Variants in IQSEC1 observed in about 807,000 individuals in gnomAD.
IQSEC1 encodes IQ motif and Sec7 domain ArfGEF 1, also known as IQ motif and SEC7 domain-containing protein 1.
IQSEC1 carries 31 observed loss-of-function variants against 91.0 expected under a neutral mutation model. That is an observed-to-expected ratio of 0.34 (90% CI 0.26 to 0.46). IQSEC1 has a LOEUF of 0.46. Among genes scored for constraint, IQSEC1 ranks in the 20% least tolerant of loss-of-function variants. The pLI, the probability that IQSEC1 is intolerant of heterozygous loss-of-function variation, is 1.00. For missense variants in IQSEC1, 1,388 were observed against 1,575.6 expected (o/e 0.88, Z 2.02); for synonymous variants, 699 against 662.6 (o/e 1.05, Z -0.84).
rs184651986 is a variant in IQSEC1, at chr3:13,228,637, G to A, written c.272+54074C>T. 3.2e-3 allele frequency among the ~76,000 whole-genome samples: 482 copies of A among 152,286 alleles called. 1 individual carries two copies. Among genetic ancestry groups the A allele is most frequent in the African/African-American group, 0.011 (457 of 41,546 alleles). On this transcript the variant is annotated intron_variant, in intron 1 of 15. Transcript: ENST00000648114. The stretch of plus-strand genomic sequence containing the variant: ...TTAAAGCCTTACCAAAACCTTTGCA[G>A]GGCCTGCAAGGAGTGGCAGGATCTG...
At position 12,935,945 on chromosome 3, in the gene IQSEC1, C is replaced by G. The variant is rs765519418; in HGVS notation, c.1071G>C (p.Arg357=). The change falls in exon 3 of 14, where the codon CGG becomes CGC. Residue 357 remains arginine (R), a synonymous_variant. Coordinates refer to ENST00000613206, the MANE Select transcript of IQSEC1 (RefSeq NM_001134382.3). The surrounding 1 kb of genome is among the most constrained non-coding windows in gnomAD (Gnocchi z 8.0). ...GCAGCGGCAGATGCTCCACCCGCAG[C>G]CGCTGCTCCTGCCGCTCCAGCGACG... ...STPSLERQEQ[R]LRVEHLPLLT... is the part of the protein sequence containing the mutation. 25 of 1,598,530 alleles carry G rather than the reference C, an allele frequency of 1.6e-5. No homozygotes were observed. The highest frequency in any genetic ancestry group is 5.3e-5 in the African/African-American group (4 of 75,030).
At position 12,935,391 on chromosome 3, in the gene IQSEC1, C is replaced by T. The variant is rs1698077147; in HGVS notation, c.1568+57G>A. The T allele has an allele frequency of 1.0e-5, 16 of 1,538,776 alleles. No homozygotes were observed. The highest frequency in any genetic ancestry group is 4.5e-5 in the East Asian group (2 of 44,186). ...TTGGAAGGATGCAGCCACGCCCACCCGCCAAGGCCCAGCAAGCCACAGCTG... is the reference window on the plus strand; with the variant it reads ...TTGGAAGGATGCAGCCACGCCCACCTGCCAAGGCCCAGCAAGCCACAGCTG... On this transcript the variant is annotated intron_variant, in intron 3 of 13. Transcript: ENST00000613206. The surrounding 1 kb of genome is among the most constrained non-coding windows in gnomAD (Gnocchi z 8.0).
At chr3:13,049,664 C>T (rs1036477612) in intron 1 of IQSEC1, among the ~76,000 whole-genome samples, 2 of 152,178 alleles carry the variant, frequency 1.3e-5, no homozygotes, top group African/African-American at 2.4e-5. Flanking sequence ...CCTCCCTCAG[C>T]GGACTCCTTT....
At chr3:12,965,148 TA>T (rs1467021630) in intron 1 of IQSEC1, among the ~76,000 whole-genome samples, 1 of 152,112 alleles carries the variant, frequency 6.6e-6, no homozygotes, top group Non-Finnish European at 1.5e-5. Flanking sequence ...TGTGTACCCT[TA>T]AAAAAACGAG....
chr3:13,026,507 T>C (rs910589502), intron 1 of IQSEC1, among the ~76,000 whole-genome samples: 14 of 152,248 alleles, frequency 9.2e-5, no homozygotes, highest in African/African-American at 2.7e-4. Context: ...CTGTGCCAGA[T>C]ATCACTTGAG....
chr3:13,132,033 T>C lies in IQSEC1; in HGVS notation c.302+32071A>G, dbSNP rs75078042. 4.5e-3 allele frequency among the ~76,000 whole-genome samples: 682 copies of C among 152,352 alleles called. 6 individuals are homozygous for C. Among genetic ancestry groups the C allele is most frequent in the African/African-American group, 0.016 (655 of 41,586 alleles). On this transcript the variant is annotated intron_variant, in intron 2 of 15. Transcript: ENST00000648114. The stretch of plus-strand genomic sequence containing the variant: ...TCAATTTTTCTCTTTATGTGGGTAA[T>C]ATTTTCTTGCTTCTTTTCATTTCTG...
chr3:13,260,375 G>A (rs1381494232), intron 1 of IQSEC1, among the ~76,000 whole-genome samples: 3 of 152,176 alleles, frequency 2.0e-5, no homozygotes, highest in Non-Finnish European at 2.9e-5. Flanking sequence ...ATGCAGAAAC[G>A]CAGATCAATA....
At chr3:13,154,437 G>GCA (rs35313489) in intron 2 of IQSEC1, among the ~76,000 whole-genome samples, 237 of 14,170 alleles carry the variant, frequency 0.017, 24 homozygotes, top group Non-Finnish European at 0.023. Flanking sequence ...GAACTTACAT[G>GCA]CATATATATA....
chr3:12,899,591 G>A lies in IQSEC1; in HGVS notation c.*1392C>T, dbSNP rs562534504. On this transcript the variant is annotated 3_prime_UTR_variant, in exon 14 of 14. Coordinates refer to ENST00000613206, the MANE Select transcript of IQSEC1 (RefSeq NM_001134382.3). ...GCTCACTGGACCATGGGAAGGCAGCGGGGGCTCCGCCGGGCACTCGTCGGC... is the reference window on the plus strand; with the variant it reads ...GCTCACTGGACCATGGGAAGGCAGCAGGGGCTCCGCCGGGCACTCGTCGGC... 24 of 985,364 alleles carry A rather than the reference G, an allele frequency of 2.4e-5. No individual in the cohort carries two copies. The highest frequency in any genetic ancestry group is 5.2e-4 in the Middle Eastern group (1 of 1,914). 61.0% of individuals were successfully genotyped at this position (985,364 alleles called of 1,614,324 possible). A position where few individuals can be genotyped will look rare whatever the true frequency, so the allele number is the denominator to read the frequency against.
chr3:12,939,019 G>A (rs777375046), intron 2 of IQSEC1, among the ~76,000 whole-genome samples: 25 of 152,134 alleles, frequency 1.6e-4, no homozygotes, highest in South Asian at 4.1e-4. Context: ...AAAGTTTCCC[G>A]GGACCCAGTG....
intron 1 of IQSEC1, among the ~76,000 whole-genome samples, chr3:13,185,406 C>T (rs1693913852): frequency 6.6e-6 from 1 of 152,208 alleles, no homozygotes; most frequent in Non-Finnish European, 1.5e-5. Flanking sequence ...TGTCTTGTTC[C>T]TTTGTCTACT....
Position 13,138,122 on chromosome 3 carries a change from G to A in IQSEC1, c.302+25982C>T, listed in dbSNP as rs74704860. ...AATGAGAGGGGATCATACTGGGGAT[G>A]ACAAATGGCTGGCACTCCTCCCACA... On this transcript the variant is annotated intron_variant, in intron 2 of 15. Coordinates refer to the IQSEC1 transcript ENST00000648114. Among the ~76,000 whole-genome samples the A allele has an allele frequency of 6.7e-3, 1,016 of 152,204 alleles. 29 individuals are homozygous for A. The East Asian group carries it at 0.086, about 13-fold the overall frequency.
At chr3:13,065,182 C>G (rs1334053932) in intron 1 of IQSEC1, among the ~76,000 whole-genome samples, 1 of 152,214 alleles carries the variant, frequency 6.6e-6, no homozygotes, top group African/African-American at 2.4e-5. Flanking sequence ...CCAAGTTGAG[C>G]GTTTCATTGG....
chr3:13,042,840 G>C (rs1043338137), intron 1 of IQSEC1, among the ~76,000 whole-genome samples: 1 of 152,230 alleles, frequency 6.6e-6, no homozygotes, highest in Admixed American at 6.5e-5. Context: ...CTGGCCCAGA[G>C]TGGCTGAGGC....
Position 12,899,684 on chromosome 3 carries a change from G to T in IQSEC1, c.*1299C>A, listed in dbSNP as rs566391785. On this transcript the variant is annotated 3_prime_UTR_variant, in exon 14 of 14. Coordinates refer to ENST00000613206, the MANE Select transcript of IQSEC1 (RefSeq NM_001134382.3). ...GCACATGGCTACATGGAATTACGGTGATCACTGCTACCACTCAGAAAACAA... is the reference window on the plus strand; with the variant it reads ...GCACATGGCTACATGGAATTACGGTTATCACTGCTACCACTCAGAAAACAA... The T allele has an allele frequency of 7.6e-5, 75 of 985,426 alleles. 1 individual carries two copies. In the South Asian group the frequency reaches 3.0e-3, roughly 39 times the overall value. The allele number at this position is 985,426 out of a possible 1,614,324, so 61.0% of individuals were successfully genotyped here. A position where few individuals can be genotyped will look rare whatever the true frequency, so the allele number is the denominator to read the frequency against.
At chr3:13,151,258 A>G (rs1160627941) in intron 2 of IQSEC1, among the ~76,000 whole-genome samples, 1 of 152,136 alleles carries the variant, frequency 6.6e-6, no homozygotes, top group African/African-American at 2.4e-5. Flanking sequence ...GGACGATGCT[A>G]TCGGGAGCCC....
intron 1 of IQSEC1, among the ~76,000 whole-genome samples, chr3:12,990,831 G>A (rs908589391): frequency 2.0e-5 from 3 of 152,228 alleles, no homozygotes; most frequent in African/African-American, 7.2e-5. Flanking sequence ...ACAAGGGAAT[G>A]ATAGGTTTGT....
At chr3:12,930,180 TTC>T (rs199689875) in intron 3 of IQSEC1, among the ~76,000 whole-genome samples, 2 of 151,690 alleles carry the variant, frequency 1.3e-5, no homozygotes, top group Non-Finnish European at 2.9e-5. Flanking sequence ...CAGGAAAGGG[TTC>T]TCTCTCTCTC....
intron 3 of IQSEC1, among the ~76,000 whole-genome samples, chr3:12,933,441 A>T (rs568327069): frequency 6.6e-6 from 1 of 152,248 alleles, no homozygotes; most frequent in South Asian, 2.1e-4. Context: ...ACAATGTCAC[A>T]GTCCCGCGCC....
Sources: gnomAD v4.1 joint callset for allele counts (sites outside exome capture counted in the v4.1 genomes callset) on GRCh38, gnomAD v4.1.1 for gene constraint, Gnocchi (gnomAD v3.1) non-coding constraint, MANE v1.5 for transcripts, NCBI Gene and HGNC (gene_info 2026-07-23, HGNC 2026-07-21) for gene names.